Variants in RELN observed in about 807,000 individuals in gnomAD.
The protein encoded by RELN is reelin.
In RELN, 108 loss-of-function variants were observed where a neutral mutation model predicts 427.6. The ratio of observed to expected loss-of-function variants is 0.25; its 90% CI spans 0.22 to 0.30. RELN has a LOEUF of 0.30. RELN is among the 10% of genes least tolerant of loss of function. RELN has a pLI of 1.00. For synonymous variants in RELN, 1,524 were observed against 1,513.4 expected (o/e 1.01, Z -0.16); for missense variants, 3,715 against 4,302.8 (o/e 0.86, Z 3.82).
intron 64 of RELN, chr7:103,476,810 G>A (rs1413623089): frequency 7.8e-6 from 2 of 254,814 alleles, no homozygotes; most frequent in South Asian, 8.1e-5. Context: ...ATATTTGTGA[G>A]CCTATTTTTT....
At chr7:103,658,891 T>C (rs1424465903) in intron 12 of RELN, among the ~76,000 whole-genome samples, 1 of 151,812 alleles carries the variant, frequency 6.6e-6, no homozygotes, top group Admixed American at 6.6e-5. Context: ...CTTCCTCCTG[T>C]AGGCTCCAAT....
intron 1 of RELN, among the ~76,000 whole-genome samples, chr7:103,983,470 T>C (rs1236974574): frequency 6.6e-6 from 1 of 152,226 alleles, no homozygotes; most frequent in African/African-American, 2.4e-5. Flanking sequence ...AATAATTTTT[T>C]AAAGCTACAC....
chr7:103,630,052 C>A lies in RELN; in HGVS notation c.2590G>T (p.Val864Leu). 1 of 1,613,316 alleles carries A rather than the reference C, an allele frequency of 6.2e-7. No individual in the cohort carries two copies. The highest frequency in any genetic ancestry group is 2.2e-5 in the East Asian group (1 of 44,836). The change falls in exon 20 of 65, where the codon GTG becomes TTG. Residue 864 changes from valine to leucine, a missense_variant. This residue lies in a region of RELN where 2,208 missense variants were observed against 2,361.7 expected (regional missense o/e 0.93). Transcript: ENST00000428762. ...TCAAGACTAATGCTGTTGAAAAGCA[C>A]AGATGTCATGATAATCTCATCAATA... ...WAIDEIIMTS[V>L]LFNSISLDFT...
intron 1 of RELN, among the ~76,000 whole-genome samples, chr7:103,951,045 T>G (rs1796321037): frequency 6.6e-6 from 1 of 152,150 alleles, no homozygotes; most frequent in Non-Finnish European, 1.5e-5. Context: ...TTCCCCTACC[T>G]CAGCCTCCTG....
chr7:103,694,062 T>G (rs760435324), intron 10 of RELN, among the ~76,000 whole-genome samples: 2 of 152,132 alleles, frequency 1.3e-5, no homozygotes, highest in Non-Finnish European at 2.9e-5. Flanking sequence ...CTTGCTAAAC[T>G]GTAATGTATA....
At chr7:103,965,373 A>T (rs1330389563) in intron 1 of RELN, among the ~76,000 whole-genome samples, 1 of 152,278 alleles carries the variant, frequency 6.6e-6, no homozygotes, top group Non-Finnish European at 1.5e-5. Flanking sequence ...CGAGAAGAAA[A>T]TGGTTGCCCC....
intron 10 of RELN, 105 bp downstream of exon 10, chr7:103,697,748 G>T: frequency 6.6e-7 from 1 of 1,508,082 alleles, no homozygotes; most frequent in Non-Finnish European, 9.1e-7. Flanking sequence ...CTTTAATAGT[G>T]GTTTTGGTAA....
rs191890935 is a variant in RELN, at chr7:103,810,206, C to T, written c.473+23331G>A. 2.2e-3 allele frequency among the ~76,000 whole-genome samples: 330 copies of T among 152,288 alleles called. 1 individual carries two copies. The highest frequency in any genetic ancestry group is 6.8e-3 in the Middle Eastern group (2 of 294). ...CTTGTACATTTACTTTCTTTCCCTT[C>T]TGCTGACATGCCCGGGGCGTCTTCT... On this transcript the variant is annotated intron_variant, in intron 3 of 64. Coordinates refer to ENST00000428762, the MANE Select transcript of RELN (RefSeq NM_005045.4).
intron 10 of RELN, among the ~76,000 whole-genome samples, chr7:103,683,365 T>C (rs1357214748): frequency 6.6e-6 from 1 of 152,208 alleles, no homozygotes; most frequent in Non-Finnish European, 1.5e-5. Context: ...GACATGGAAA[T>C]GCCCTTTAAG....
chr7:103,817,007 A>T (rs921573845), intron 3 of RELN, among the ~76,000 whole-genome samples: 1 of 152,006 alleles, frequency 6.6e-6, no homozygotes, highest in Admixed American at 6.6e-5. Flanking sequence ...GTGCACCACC[A>T]TGCCTCGCTG....
intron 63 of RELN, among the ~76,000 whole-genome samples, chr7:103,481,054 ACAGCCTCTAAGG>A (rs1298268405): frequency 6.6e-6 from 1 of 152,198 alleles, no homozygotes; most frequent in Admixed American, 6.5e-5. Context: ...CGGTGCTCTG[ACAGCCTCTAAGG>A]CAGCATGTTG....
At chr7:103,966,583 T>C (rs1796665636) in intron 1 of RELN, among the ~76,000 whole-genome samples, 1 of 152,180 alleles carries the variant, frequency 6.6e-6, no homozygotes, top group South Asian at 2.1e-4. Context: ...ATAATAAGGA[T>C]ATAAAATATG....
At chr7:103,754,201 T>A (rs1224195245) in intron 4 of RELN, among the ~76,000 whole-genome samples, 1 of 152,096 alleles carries the variant, frequency 6.6e-6, no homozygotes, top group Non-Finnish European at 1.5e-5. Context: ...ATCTCATTAA[T>A]AGTTTTAAAT....
chr7:103,788,415 G>A (rs1174216047), intron 3 of RELN, among the ~76,000 whole-genome samples: 1 of 152,142 alleles, frequency 6.6e-6, no homozygotes, highest in Non-Finnish European at 1.5e-5. Flanking sequence ...GTTTGCAGAT[G>A]ACACGATTGT....
intron 55 of RELN, 42 bp from the exon 56 acceptor site, chr7:103,496,810 C>A (rs763538415): frequency 1.9e-6 from 3 of 1,606,146 alleles, no homozygotes; most frequent in South Asian, 2.2e-5. Context: ...TATCTAGAAT[C>A]TCCTGCCTCC....
At chr7:103,572,510 A>C (rs1830905347) in intron 30 of RELN, among the ~76,000 whole-genome samples, 1 of 152,126 alleles carries the variant, frequency 6.6e-6, no homozygotes, top group South Asian at 2.1e-4. Context: ...AAACCGTTGA[A>C]TATCACTTCA....
chr7:103,851,310 T>C (rs910915648), intron 2 of RELN, among the ~76,000 whole-genome samples: 1 of 152,220 alleles, frequency 6.6e-6, no homozygotes, highest in South Asian at 2.1e-4. Context: ...ATAAGAATGA[T>C]ACAATGGACT....
At chr7:103,475,353 T>C (rs867221771) in intron 64 of RELN, among the ~76,000 whole-genome samples, 4 of 150,154 alleles carry the variant, frequency 2.7e-5, no homozygotes, top group Non-Finnish European at 5.9e-5. Context: ...CCCCGCACCA[T>C]AGCACTGAGC....
At chr7:103,619,462 C>T (rs977639) in intron 20 of RELN, among the ~76,000 whole-genome samples, 23,554 of 152,112 alleles carry the variant, frequency 0.15, 2,165 homozygotes, top group African/African-American at 0.25. Context: ...TGGAACTAGG[C>T]CAATTTACCC....
Sources: allele counts gnomAD v4.1 joint callset (sites outside exome capture counted in the v4.1 genomes callset), GRCh38; gene constraint gnomAD v4.1.1; regional missense constraint gnomAD v4.1.1; transcripts MANE v1.5; gene names NCBI Gene and HGNC (gene_info 2026-07-23, HGNC 2026-07-21).